CTNNA2: variants seen among roughly 807,000 people sequenced by gnomAD.
CTNNA2 encodes the protein catenin alpha-2.
CTNNA2 carries 42 observed loss-of-function variants against 101.0 expected under a neutral mutation model. That is an observed-to-expected ratio of 0.42 (90% CI 0.32 to 0.54). CTNNA2 has a LOEUF of 0.54. Among genes scored for constraint, CTNNA2 ranks in the 20% least tolerant of loss-of-function variants. CTNNA2 has a pLI of 0.14. For synonymous variants in CTNNA2, 450 were observed against 456.4 expected, an observed-to-expected ratio of 0.99 and a Z score of 0.18; for missense variants, 871 against 1,223.1, an observed-to-expected ratio of 0.71 and a Z score of 4.29.
chr2:80,460,329 T>C (rs17019202), intron 9 of CTNNA2, among the ~76,000 whole-genome samples: 4,689 of 152,106 alleles, frequency 0.031, 242 homozygotes, highest in African/African-American at 0.11. Flanking sequence ...TTATAGCACA[T>C]ATTAAGCATG....
intron 3 of CTNNA2, among the ~76,000 whole-genome samples, chr2:79,779,694 GTATT>G (rs756796799): frequency 8.1e-4 from 124 of 152,216 alleles, no homozygotes; most frequent in Non-Finnish European, 1.3e-3. Flanking sequence ...GACCCTGGAT[GTATT>G]ATCCAAAGGA....
intron 3 of CTNNA2, among the ~76,000 whole-genome samples, chr2:79,804,951 C>G (rs1676455505): frequency 6.6e-6 from 1 of 152,072 alleles, no homozygotes. Context: ...TGAAGAAGAG[C>G]AAGAATGAGC....
chr2:80,524,012 T>C (rs560774000), intron 9 of CTNNA2, among the ~76,000 whole-genome samples: 4 of 152,222 alleles, frequency 2.6e-5, no homozygotes, highest in South Asian at 4.2e-4. Context: ...TTTTTGCTCT[T>C]GGCGCTGAGG....
intron 4 of CTNNA2, among the ~76,000 whole-genome samples, chr2:79,473,094 C>T (rs11887972): frequency 0.09 from 13,703 of 152,062 alleles, 1,070 homozygotes; most frequent in East Asian, 0.28. Context: ...ACATTCTGTT[C>T]ATGATTACTT....
intron 7 of CTNNA2, among the ~76,000 whole-genome samples, chr2:80,047,783 G>A (rs1311149462): frequency 6.6e-6 from 1 of 152,158 alleles, no homozygotes; most frequent in Admixed American, 6.6e-5. Context: ...GCAAGTAAGA[G>A]AGCTTGAAAA....
At chr2:79,680,393 G>C (rs1252957902) in intron 2 of CTNNA2, among the ~76,000 whole-genome samples, 10 of 151,810 alleles carry the variant, frequency 6.6e-5, no homozygotes, top group Non-Finnish European at 1.5e-5. Context: ...GGAGGGGAGG[G>C]GACAGTCCCA....
At chr2:79,812,250 G>T (rs949746625) in intron 3 of CTNNA2, among the ~76,000 whole-genome samples, 4 of 151,852 alleles carry the variant, frequency 2.6e-5, no homozygotes, top group African/African-American at 9.7e-5. Context: ...TATTGCACTG[G>T]CTAGGACTTC....
intron 4 of CTNNA2, among the ~76,000 whole-genome samples, chr2:79,405,705 T>G (rs2084746): frequency 0.17 from 26,380 of 152,064 alleles, 2,290 homozygotes; most frequent in Middle Eastern, 0.24. Flanking sequence ...TGTTATTATA[T>G]GTGTATACCA....
At chr2:79,817,937 CAT>C (rs1677662955) in intron 3 of CTNNA2, among the ~76,000 whole-genome samples, 2 of 152,174 alleles carry the variant, frequency 1.3e-5, no homozygotes, top group Non-Finnish European at 2.9e-5. Flanking sequence ...TTTATGATGA[CAT>C]GTGATGAAGA....
intron 2 of CTNNA2, among the ~76,000 whole-genome samples, chr2:79,676,199 T>C (rs1035477711): frequency 6.6e-6 from 1 of 152,290 alleles, no homozygotes; most frequent in Non-Finnish European, 1.5e-5. Flanking sequence ...TAAATAAATA[T>C]CTATATAGCT....
At chr2:79,246,713 A>T (rs1389992652) in intron 2 of CTNNA2, among the ~76,000 whole-genome samples, 1 of 152,266 alleles carries the variant, frequency 6.6e-6, no homozygotes, top group Non-Finnish European at 1.5e-5. Flanking sequence ...AAGGACCCAC[A>T]CTAAGTGTGA....
At chr2:79,387,231 G>A (rs965625269) in intron 4 of CTNNA2, among the ~76,000 whole-genome samples, 9 of 152,244 alleles carry the variant, frequency 5.9e-5, no homozygotes, top group Admixed American at 6.5e-5. Flanking sequence ...ACCTTTCTGC[G>A]CTCTGGGCAT....
At chr2:79,398,009 C>G (rs1419961461) in intron 4 of CTNNA2, among the ~76,000 whole-genome samples, 1 of 152,006 alleles carries the variant, frequency 6.6e-6, no homozygotes, top group African/African-American at 2.4e-5. Flanking sequence ...TATGTAATGC[C>G]CCTAGGGCTA....
chr2:80,319,967 G>A (rs1367841796), intron 7 of CTNNA2, among the ~76,000 whole-genome samples: 1 of 152,132 alleles, frequency 6.6e-6, no homozygotes, highest in Non-Finnish European at 1.5e-5. Context: ...AGATAAGAGA[G>A]GAATGGAATG....
intron 3 of CTNNA2, among the ~76,000 whole-genome samples, chr2:79,818,233 A>G (rs1677690934): frequency 6.6e-6 from 1 of 152,192 alleles, no homozygotes; most frequent in Non-Finnish European, 1.5e-5. Flanking sequence ...ATAATTTAAT[A>G]TTACCAAAGA....
chr2:79,523,566 T>C (rs1186892021), intron 1 of CTNNA2, among the ~76,000 whole-genome samples: 8 of 152,194 alleles, frequency 5.3e-5, no homozygotes, highest in Non-Finnish European at 1.2e-4. Flanking sequence ...ATGAACATCC[T>C]TATACAGGTT....
intron 17 of CTNNA2, among the ~76,000 whole-genome samples, chr2:80,610,885 G>T (rs994836514): frequency 1.3e-5 from 2 of 151,600 alleles, no homozygotes; most frequent in Non-Finnish European, 3.0e-5. Flanking sequence ...GGATACAAAA[G>T]CTCTCCAGGC....
At chr2:79,395,356 G>A (rs923005499) in intron 4 of CTNNA2, among the ~76,000 whole-genome samples, 5 of 151,698 alleles carry the variant, frequency 3.3e-5, no homozygotes, top group African/African-American at 1.2e-4. Context: ...TCATCATTTA[G>A]CATTAGGTAT....
At chr2:79,706,677 C>G (rs954386452) in intron 2 of CTNNA2, among the ~76,000 whole-genome samples, 1 of 152,014 alleles carries the variant, frequency 6.6e-6, no homozygotes, top group East Asian at 1.9e-4. Context: ...TCCCAGATGG[C>G]TGAGGAGGTA....
Sources: gnomAD v4.1 joint callset for allele counts (sites outside exome capture counted in the v4.1 genomes callset) on GRCh38, gnomAD v4.1.1 for gene constraint, MANE v1.5 for transcripts, NCBI Gene and HGNC (gene_info 2026-07-23, HGNC 2026-07-21) for gene names.